The following MED13 variants were observed in gnomAD, a reference collection of about 807,000 sequenced individuals.
MED13 encodes mediator complex subunit 13.
In MED13, 23 loss-of-function variants were observed where a neutral mutation model predicts 225.2. That is an observed-to-expected ratio of 0.10 (90% CI 0.07 to 0.14). MED13 has a LOEUF of 0.14. Among genes scored for constraint, MED13 ranks in the 10% least tolerant of loss-of-function variants. The pLI, the probability that MED13 is intolerant of heterozygous loss-of-function variation, is 1.00. For missense variants in MED13, 2,197 were observed against 2,594.5 expected (o/e 0.85, Z 3.33); for synonymous variants, 942 against 889.2 (o/e 1.06, Z -1.06).
chr17:61,956,565 C>CA (rs2079946770), intron 23 of MED13, 84 bp from the exon 24 acceptor site: 2 of 1,373,954 alleles, frequency 1.5e-6, no homozygotes, highest in East Asian at 4.8e-5. Flanking sequence ...GATGGAGTCT[C>CA]ACTCTGTCAC....
In MED13 at chr17:61,965,203, T is replaced by G; in HGVS notation, c.4647A>C (p.Gly1549=). 1 of 1,614,206 alleles carries G rather than the reference T, an allele frequency of 6.2e-7. No homozygotes were observed. The highest frequency in any genetic ancestry group is 8.5e-7 in the Non-Finnish European group (1 of 1,180,026). Reference sequence around the variant, plus strand: ...ACGAAGGTAGTTTATTTGATGATACTCCACTATTCAAGTTGGAGGATGATG... The same window carrying G: ...ACGAAGGTAGTTTATTTGATGATACGCCACTATTCAAGTTGGAGGATGATG... ...SSSSSSNLNS[G]VSSNKLPSFP... is the part of the protein sequence containing the mutation. The change falls in exon 20 of 30, where the codon GGA becomes GGC. Residue 1549 remains glycine, a synonymous_variant. Transcript: ENST00000397786.
chr17:62,062,565 A>ATACT (rs934144481), intron 2 of MED13, among the ~76,000 whole-genome samples: 83 of 147,926 alleles, frequency 5.6e-4, no homozygotes, highest in African/African-American at 2.0e-3. Flanking sequence ...CAATAACAAA[A>ATACT]TACATGCCTT....
intron 22 of MED13, 47 bp downstream of exon 22, chr17:61,961,541 A>G (rs1476384277): frequency 1.0e-5 from 12 of 1,191,186 alleles, no homozygotes; most frequent in Admixed American, 4.8e-5. Flanking sequence ...AAAAAAAAAA[A>G]GGTATGTATA....
At chr17:61,972,293 A>G (rs981904406) in intron 17 of MED13, among the ~76,000 whole-genome samples, 10 of 152,354 alleles carry the variant, frequency 6.6e-5, no homozygotes, top group African/African-American at 2.2e-4. Context: ...GGTCACAACC[A>G]GCAAATTTCT....
chr17:62,015,869 GTGTGTGTGTATATATATA>G (rs2080561667), intron 8 of MED13, among the ~76,000 whole-genome samples: 1 of 86,720 alleles, frequency 1.2e-5, no homozygotes, highest in African/African-American at 4.5e-5. Flanking sequence ...TAGTGTGTAT[GTGTGTGTGTATATATATA>G]CACACACACA....
intron 9 of MED13, among the ~76,000 whole-genome samples, chr17:62,002,625 C>T (rs972606087): frequency 1.3e-5 from 2 of 152,078 alleles, no homozygotes; most frequent in East Asian, 3.9e-4. Flanking sequence ...TTATTTTGAT[C>T]CTTGTCACAT....
chr17:62,026,235 G>T (rs2080700546), intron 8 of MED13, among the ~76,000 whole-genome samples: 1 of 152,142 alleles, frequency 6.6e-6, no homozygotes, highest in East Asian at 1.9e-4. Flanking sequence ...TTATCAAAAG[G>T]CCTTTATAAA....
intron 11 of MED13, among the ~76,000 whole-genome samples, chr17:61,989,114 C>T (rs991285729): frequency 1.3e-5 from 2 of 151,216 alleles, no homozygotes; most frequent in African/African-American, 2.4e-5. Flanking sequence ...CGGATTCAAG[C>T]GATTCTCCTG....
intron 2 of MED13, among the ~76,000 whole-genome samples, chr17:62,055,617 G>A (rs1210106796): frequency 6.6e-6 from 1 of 151,970 alleles, no homozygotes; most frequent in Non-Finnish European, 1.5e-5. Flanking sequence ...GAGGTCAGGA[G>A]TTCAAGACCA....
At chr17:61,988,285 T>C (rs973643995) in intron 11 of MED13, among the ~76,000 whole-genome samples, 3 of 152,210 alleles carry the variant, frequency 2.0e-5, no homozygotes, top group Admixed American at 1.3e-4. Flanking sequence ...GTTACCGTAC[T>C]ACAATTTTAT....
Position 62,065,264 on chromosome 17 carries a change from T to A in MED13, c.-59A>T. ...CCCACCATCCGCCATTACCGCCGCC[T>A]CCGACCAGAGAGAGAAACACAGACA... On this transcript the variant is annotated 5_prime_UTR_variant, in exon 1 of 30. Transcript: ENST00000397786. 3 of 733,294 alleles carry A rather than the reference T, an allele frequency of 4.1e-6. No homozygotes were observed. The highest frequency in any genetic ancestry group is 4.1e-6 in the Non-Finnish European group (2 of 490,162). 45.4% of individuals were successfully genotyped at this position (733,294 alleles called of 1,614,324 possible). A position where few individuals can be genotyped will look rare whatever the true frequency, so the allele number is the denominator to read the frequency against.
intron 12 of MED13, among the ~76,000 whole-genome samples, chr17:61,986,038 T>G (rs2080244743): frequency 6.6e-6 from 1 of 152,190 alleles, no homozygotes. Flanking sequence ...TGTTAGACAG[T>G]CTGTGATAAA....
chr17:62,021,321 AC>A (rs1298408339), intron 8 of MED13, among the ~76,000 whole-genome samples: 17 of 115,738 alleles, frequency 1.5e-4, no homozygotes, highest in Non-Finnish European at 3.0e-4. Flanking sequence ...CGGGGGGCTG[AC>A]CCCCCCACCT....
At chr17:62,022,324 A>G (rs1459660597) in intron 8 of MED13, among the ~76,000 whole-genome samples, 4 of 151,972 alleles carry the variant, frequency 2.6e-5, no homozygotes, top group African/African-American at 9.7e-5. Context: ...AAAAAAACCT[A>G]CTAAATAATT....
Position 61,960,961 on chromosome 17 carries a change from A to C in MED13, c.5386T>G (p.Leu1796Val). 2 of 1,613,902 alleles carry C rather than the reference A, an allele frequency of 1.2e-6. No individual in the cohort carries two copies. Among genetic ancestry groups the C allele is most frequent in the Non-Finnish European group, 1.7e-6 (2 of 1,179,908 alleles). The change falls in exon 23 of 30, where the codon TTA (leucine) becomes GTA (valine). Residue 1796 changes from leucine (L) to valine (V), a missense_variant. Leu to Val is a conservative substitution (Grantham distance 32, BLOSUM62 1). Transcript: ENST00000397786. ...AGAATCCACCTTTGATCATGTGATA[A>C]ACAGTATCCCACAAAAAGAACATTA... The part of the protein sequence containing the change: ...KYNVLFVGYC[L>V]SHDQRWILAS...
chr17:61,973,758 G>T (rs926876297), intron 16 of MED13, among the ~76,000 whole-genome samples: 4 of 152,182 alleles, frequency 2.6e-5, no homozygotes, highest in Non-Finnish European at 5.9e-5. Flanking sequence ...AAGGCGGGTG[G>T]ACTGTTTGAG....
At chr17:62,046,202 CAGAAA>C (rs1248744669) in intron 3 of MED13, among the ~76,000 whole-genome samples, 3 of 152,248 alleles carry the variant, frequency 2.0e-5, no homozygotes, top group South Asian at 2.1e-4. Context: ...CTGAATTCAA[CAGAAA>C]AGAAGTCCGA....
chr17:61,958,663 G>A (rs575564724), intron 23 of MED13, among the ~76,000 whole-genome samples: 1 of 151,984 alleles, frequency 6.6e-6, no homozygotes, highest in South Asian at 2.1e-4. Flanking sequence ...AGTATAGACG[G>A]GGTTTCATTA....
At chr17:62,016,554 A>G (rs779764123) in intron 8 of MED13, among the ~76,000 whole-genome samples, 2 of 152,238 alleles carry the variant, frequency 1.3e-5, no homozygotes, top group Non-Finnish European at 2.9e-5. Context: ...ACATGTAGCT[A>G]TTAGACACTT....
Sources: gnomAD v4.1 joint callset for allele counts (sites outside exome capture counted in the v4.1 genomes callset) on GRCh38, gnomAD v4.1.1 for gene constraint, MANE v1.5 for transcripts, NCBI Gene and HGNC (gene_info 2026-07-23, HGNC 2026-07-21) for gene names.